Variants in DCDC1 observed in about 807,000 individuals in gnomAD.
The protein encoded by DCDC1 is doublecortin domain containing 1.
DCDC1 carries 200 observed loss-of-function variants against 178.3 expected under a neutral mutation model. The ratio of observed to expected loss-of-function variants is 1.12; its 90% confidence interval spans 1.00 to 1.26. DCDC1 has a LOEUF of 1.26. Among genes scored for constraint, DCDC1 ranks in the 50% most tolerant of loss-of-function variants. The pLI is 0.00. For synonymous variants in DCDC1, 690 were observed against 604.8 expected, an observed-to-expected ratio of 1.14 and a Z score of -2.07; for missense variants, 1,983 against 1,749.2, an observed-to-expected ratio of 1.13 and a Z score of -2.38.
intron 10 of DCDC1, among the ~76,000 whole-genome samples, chr11:31,133,142 G>A (rs2135969268): frequency 6.6e-6 from 1 of 152,256 alleles, no homozygotes; most frequent in Non-Finnish European, 1.5e-5. Flanking sequence ...TGTGAATACT[G>A]TACATTGGCT....
chr11:31,226,607 G>A (rs1974987079), intron 9 of DCDC1, among the ~76,000 whole-genome samples: 1 of 150,802 alleles, frequency 6.6e-6, no homozygotes, highest in Non-Finnish European at 1.5e-5. Flanking sequence ...AACTTGTGAT[G>A]AATAGAACAA....
At chr11:30,996,625 C>T (rs566751095) in intron 20 of DCDC1, among the ~76,000 whole-genome samples, 6 of 152,280 alleles carry the variant, frequency 3.9e-5, no homozygotes, top group African/African-American at 1.4e-4. Flanking sequence ...AACATTCCTT[C>T]CCTATGTGGG....
intron 20 of DCDC1, among the ~76,000 whole-genome samples, chr11:31,028,242 A>G (rs1365268842): frequency 6.6e-6 from 1 of 151,832 alleles, no homozygotes; most frequent in African/African-American, 2.4e-5. Flanking sequence ...AATGCATAAA[A>G]CCATGAGATT....
At chr11:31,135,100 T>G (rs548091850) in intron 10 of DCDC1, among the ~76,000 whole-genome samples, 1 of 152,206 alleles carries the variant, frequency 6.6e-6, no homozygotes, top group Non-Finnish European at 1.5e-5. Flanking sequence ...AAATTTCATG[T>G]GGAAAATTAT....
chr11:31,296,846 A>T (rs1380329836), intron 6 of DCDC1, among the ~76,000 whole-genome samples: 1 of 90,260 alleles, frequency 1.1e-5, no homozygotes, highest in Non-Finnish European at 2.4e-5. Flanking sequence ...TATCATGAAA[A>T]CAGCATGGGG....
intron 7 of DCDC1, among the ~76,000 whole-genome samples, chr11:31,280,059 A>C (rs1038024924): frequency 1.2e-4 from 18 of 152,204 alleles, no homozygotes; most frequent in African/African-American, 4.3e-4. Flanking sequence ...GATCATCTAT[A>C]AAATGTGAGA....
Position 30,925,353 on chromosome 11 carries a change from C to T in DCDC1, c.2953G>A (p.Gly985Arg). ...SAARRLYNEK[G>R]KEIFALKDLQ... The stretch of plus-strand genomic sequence containing the variant: ...TCTTTTAAGGCAAATATTTCCTTCC[C>T]CTTTTCATTGTACAATCTCCGAGCT... The change falls in exon 23 of 39, where the codon GGG (glycine) becomes AGG (arginine). Residue 985 changes from glycine (G) to arginine (R), a missense_variant. Physicochemically the swap from Gly to Arg is moderately radical, Grantham distance 125 (BLOSUM62 -2). Transcript: ENST00000684477. 6.2e-7 allele frequency: 1 copy of T among 1,613,746 alleles called. No individual in the cohort carries two copies. Among genetic ancestry groups the T allele is most frequent in the Non-Finnish European group, 8.5e-7 (1 of 1,179,782 alleles).
intron 1 of DCDC1, among the ~76,000 whole-genome samples, chr11:31,347,250 G>A (rs1394188898): frequency 6.6e-6 from 1 of 152,146 alleles, no homozygotes; most frequent in Non-Finnish European, 1.5e-5. Flanking sequence ...TGAGAAACAG[G>A]TTCTCATAAT....
rs111955764 is a variant in DCDC1 at position 31,186,778 on chromosome 11, C to G, written c.1222-48994G>C. ...TCAATTTCCAGCCTTATTACCCCAC[C>G]CTTCCATGCCATTCTGAGATGCAGC... On this transcript the variant is annotated intron_variant, in intron 9 of 38. Transcript: ENST00000684477. Among the ~76,000 whole-genome samples, 1,426 of 152,292 alleles carry G rather than the reference C, an allele frequency of 9.4e-3. 28 individuals are homozygous for G. The highest frequency in any genetic ancestry group is 0.033 in the African/African-American group (1,364 of 41,546).
chr11:30,950,322 T>A (rs1565114498), intron 21 of DCDC1, among the ~76,000 whole-genome samples: 1 of 152,148 alleles, frequency 6.6e-6, no homozygotes, highest in Non-Finnish European at 1.5e-5. Flanking sequence ...AACTACCATA[T>A]GTTCCAGTAA....
At chr11:30,990,349 C>A (rs572635537) in intron 20 of DCDC1, among the ~76,000 whole-genome samples, 1 of 152,206 alleles carries the variant, frequency 6.6e-6, no homozygotes, top group Non-Finnish European at 1.5e-5. Context: ...CAAAGCACGA[C>A]ACCTTATTGC....
intron 1 of DCDC1, among the ~76,000 whole-genome samples, chr11:31,361,621 C>CA (rs1287239949): frequency 5.9e-5 from 9 of 152,134 alleles, no homozygotes; most frequent in African/African-American, 1.9e-4. Context: ...GCTGGCACTA[C>CA]AGGCATGCAC....
intron 28 of DCDC1, 130 bp downstream of exon 28, chr11:30,911,196 GT>G (rs1351371402): frequency 1.4e-6 from 1 of 729,612 alleles, no homozygotes; most frequent in Admixed American, 2.7e-5. Context: ...GCAGACTATT[GT>G]AAATATTTTA....
At position 31,362,309 on chromosome 11, in the gene DCDC1, T is replaced by C. The variant is rs960433658; in HGVS notation, c.-125+7388A>G. ...TTTAATAGTGATAGAGGAATATTCA[T>C]AGAGACTAACATTGCAGACTAGGAT... On this transcript the variant is annotated intron_variant, in intron 1 of 38. Transcript: ENST00000684477. Among the ~76,000 whole-genome samples, 9 of 152,174 alleles carry C rather than the reference T, an allele frequency of 5.9e-5. No homozygotes were observed. The East Asian group carries it at 1.5e-3, about 26-fold the overall frequency.
intron 9 of DCDC1, among the ~76,000 whole-genome samples, chr11:31,148,354 C>T (rs1964709646): frequency 6.6e-6 from 1 of 151,910 alleles, no homozygotes; most frequent in Admixed American, 6.6e-5. Flanking sequence ...CGAGACCAGC[C>T]TGGGCAACAT....
intron 20 of DCDC1, among the ~76,000 whole-genome samples, chr11:31,019,790 T>C (rs1952745958): frequency 6.6e-6 from 1 of 152,174 alleles, no homozygotes; most frequent in South Asian, 2.1e-4. Context: ...CAGTCAAATC[T>C]GCTTTTCTGT....
chr11:31,143,214 T>C (rs1449912609), intron 9 of DCDC1, among the ~76,000 whole-genome samples: 1 of 152,070 alleles, frequency 6.6e-6, no homozygotes, highest in African/African-American at 2.4e-5. Flanking sequence ...TGGCTGGAGA[T>C]GGAGAAGCAT....
At chr11:31,229,614 C>T (rs984267014) in intron 9 of DCDC1, among the ~76,000 whole-genome samples, 1 of 151,766 alleles carries the variant, frequency 6.6e-6, no homozygotes, top group Non-Finnish European at 1.5e-5. Context: ...TCACACAGTC[C>T]CCAGGAAACA....
At chr11:31,192,497 GT>G (rs1970243420) in intron 9 of DCDC1, among the ~76,000 whole-genome samples, 1 of 152,044 alleles carries the variant, frequency 6.6e-6, no homozygotes, top group Non-Finnish European at 1.5e-5. Flanking sequence ...ACAGAAGTTG[GT>G]ACCTCTGCCC....
Sources: allele counts gnomAD v4.1 joint callset (sites outside exome capture counted in the v4.1 genomes callset), GRCh38; gene constraint gnomAD v4.1.1; transcripts MANE v1.5; gene names NCBI Gene and HGNC (gene_info 2026-07-23, HGNC 2026-07-21).